FAM163A: variants seen among roughly 807,000 people sequenced by gnomAD.
The protein encoded by FAM163A is protein FAM163A.
FAM163A carries 7 observed loss-of-function variants against 12.0 expected under a neutral mutation model. The ratio of observed to expected loss-of-function variants is 0.58; its 90% CI spans 0.33 to 1.10. The LOEUF is 1.10. FAM163A is among the 50% of genes least tolerant of loss of function. The pLI is 0.03. For missense variants in FAM163A, 202 were observed against 218.6 expected, an observed-to-expected ratio of 0.92 and a Z score of 0.48; for synonymous variants, 101 against 91.0, an observed-to-expected ratio of 1.11 and a Z score of -0.62.
intron 2 of FAM163A, among the ~76,000 whole-genome samples, chr1:179,810,020 G>T (rs565452518): frequency 3.9e-5 from 6 of 152,284 alleles, no homozygotes; most frequent in African/African-American, 1.2e-4. Flanking sequence ...CTGGTGGTCT[G>T]TCAGAGTCAT....
chr1:179,745,407 T>C (rs1414176535), intron 1 of FAM163A, among the ~76,000 whole-genome samples: 1 of 152,096 alleles, frequency 6.6e-6, no homozygotes, highest in Admixed American at 6.6e-5. Context: ...TCAGCCTGAG[T>C]GCAAACATCA....
chr1:179,793,318 G>C (rs1221353013), intron 1 of FAM163A, among the ~76,000 whole-genome samples: 1 of 152,070 alleles, frequency 6.6e-6, no homozygotes, highest in African/African-American at 2.4e-5. Flanking sequence ...CAGTTCTTTA[G>C]CCAGAGCATA....
intron 1 of FAM163A, among the ~76,000 whole-genome samples, chr1:179,775,885 G>A (rs1460686588): frequency 6.6e-6 from 1 of 152,178 alleles, no homozygotes; most frequent in Admixed American, 6.5e-5. Flanking sequence ...GTTGAGGTGA[G>A]GCTGAATTTT....
intron 1 of FAM163A, among the ~76,000 whole-genome samples, chr1:179,789,727 C>T (rs1691173044): frequency 2.0e-5 from 3 of 152,048 alleles, no homozygotes; most frequent in African/African-American, 7.3e-5. Flanking sequence ...ATTAACTAAT[C>T]GAGTAATATT....
the FAM163A span, among the ~76,000 whole-genome samples, chr1:179,731,646 G>A: frequency 4.6e-5 from 7 of 152,180 alleles, no homozygotes; most frequent in African/African-American, 7.2e-5. Context: ...GACTGAGGCC[G>A]TCCCAGCAAG....
At chr1:179,792,383 A>T (rs537015472) in intron 1 of FAM163A, among the ~76,000 whole-genome samples, 96 of 151,906 alleles carry the variant, frequency 6.3e-4, no homozygotes, top group African/African-American at 2.0e-3. Context: ...TGCTCAACAA[A>T]TCCACCCCCG....
intron 1 of FAM163A, among the ~76,000 whole-genome samples, chr1:179,768,616 T>A (rs1004820621): frequency 1.2e-4 from 19 of 152,154 alleles, no homozygotes; most frequent in East Asian, 1.9e-4. Context: ...CTGGATTTTT[T>A]TTTTTTTTGA....
At chr1:179,795,904 C>G (rs1269534267) in intron 1 of FAM163A, among the ~76,000 whole-genome samples, 1 of 148,328 alleles carries the variant, frequency 6.7e-6, no homozygotes, top group Non-Finnish European at 1.5e-5. Flanking sequence ...AACTGATTTA[C>G]ATTTTATTAT....
chr1:179,741,944 C>T (rs1683704955), upstream of FAM163A: 2 of 152,154 alleles, frequency 1.3e-5, no homozygotes, highest in African/African-American at 4.8e-5. Flanking sequence ...ACGTTGTTTT[C>T]ACTTTTCTGT....
At chr1:179,791,305 C>A (rs1204741669) in intron 1 of FAM163A, among the ~76,000 whole-genome samples, 1 of 152,162 alleles carries the variant, frequency 6.6e-6, no homozygotes, top group Non-Finnish European at 1.5e-5. Context: ...CCATGGAGAG[C>A]AAGCCTGTGC....
In FAM163A at chr1:179,793,788, C is replaced by T. The variant is rs575902493; in HGVS notation, c.-135-14010C>T. ...GCCCTGCCACAGGATCTGGAGGCCC[C>T]GTTGCTGTCCTCAGTGATGCAGTGG... On this transcript the variant is annotated intron_variant, in intron 1 of 4. Coordinates refer to ENST00000341785, the MANE Select transcript of FAM163A (RefSeq NM_173509.3). Among the ~76,000 whole-genome samples the T allele has an allele frequency of 1.4e-4, 21 of 152,348 alleles. No individual in the cohort carries two copies. The East Asian group carries it at 3.7e-3, about 27-fold the overall frequency.
At chr1:179,764,701 T>G (rs764355195) in intron 1 of FAM163A, among the ~76,000 whole-genome samples, 3 of 152,106 alleles carry the variant, frequency 2.0e-5, no homozygotes, top group Admixed American at 6.5e-5. Context: ...GGAGAGCATT[T>G]CTGGAGGTGG....
intron 1 of FAM163A, among the ~76,000 whole-genome samples, chr1:179,804,278 T>C (rs916994238): frequency 1.3e-5 from 2 of 152,186 alleles, no homozygotes; most frequent in African/African-American, 4.8e-5. Context: ...TCAAGCCAGT[T>C]TGAGAAACCC....
rs1423391331 is a variant in FAM163A at position 179,777,020 on chromosome 1, GT to G, written c.-135-30775del. Among the ~76,000 whole-genome samples, 4 of 152,318 alleles carry G rather than the reference GT, an allele frequency of 2.6e-5. No individual in the cohort carries two copies. The East Asian group carries it at 7.7e-4, about 29-fold the overall frequency. On this transcript the variant is annotated intron_variant, in intron 1 of 4. Transcript: ENST00000341785. ...TCTTTTCACTTAACCTGTCTTGGAG[GT>G]TTGTCCATGTTGTAGCATGCATCAG...
intron 1 of FAM163A, among the ~76,000 whole-genome samples, chr1:179,760,599 T>C (rs749678182): frequency 7.9e-5 from 12 of 152,074 alleles, no homozygotes; most frequent in Non-Finnish European, 1.5e-4. Flanking sequence ...GGCAGAAGCA[T>C]CAAGTCCAGA....
At chr1:179,771,645 T>C (rs1353288589) in intron 1 of FAM163A, among the ~76,000 whole-genome samples, 1 of 152,232 alleles carries the variant, frequency 6.6e-6, no homozygotes, top group Middle Eastern at 3.4e-3. Flanking sequence ...CCCATGAGCC[T>C]CATAGCTCAC....
At chr1:179,767,681 T>C (rs1429536175) in intron 1 of FAM163A, among the ~76,000 whole-genome samples, 1 of 152,200 alleles carries the variant, frequency 6.6e-6, no homozygotes, top group Non-Finnish European at 1.5e-5. Context: ...TGCAGCCTGC[T>C]GCTCCAGGTG....
intron 1 of FAM163A, among the ~76,000 whole-genome samples, chr1:179,743,678 T>G (rs1439382817): frequency 6.6e-6 from 1 of 152,066 alleles, no homozygotes; most frequent in Non-Finnish European, 1.5e-5. Flanking sequence ...CAGGGGCCTC[T>G]CGCTCCGAGG....
At chr1:179,739,337 T>G (rs902806438), upstream of FAM163A, among the ~76,000 whole-genome samples, 2 of 152,156 alleles carry the variant, frequency 1.3e-5, no homozygotes, top group Non-Finnish European at 2.9e-5. Context: ...ATTTAAAAAT[T>G]TCTCTACAAA....
Sources: gnomAD v4.1 joint callset for allele counts (sites outside exome capture counted in the v4.1 genomes callset) on GRCh38, gnomAD v4.1.1 for gene constraint, MANE v1.5 for transcripts, NCBI Gene and HGNC (gene_info 2026-07-23, HGNC 2026-07-21) for gene names.